The following ADPRHL1 variants were observed in gnomAD, a reference collection of about 807,000 sequenced individuals.
ADPRHL1 encodes the protein ADP-ribosylhydrolase like 1.
ADPRHL1 carries 43 observed loss-of-function variants against 44.1 expected under a neutral mutation model. The ratio of observed to expected loss-of-function variants is 0.98; its 90% CI spans 0.76 to 1.26. The LOEUF (loss-of-function observed/expected upper bound fraction) is 1.26, where lower values mean the gene tolerates loss of function less well. Among genes scored for constraint, ADPRHL1 ranks in the 50% most tolerant of loss-of-function variants. The probability of loss-of-function intolerance (pLI) is 0.00; values close to 1 mark genes in which losing one functional copy is unlikely to be tolerated. For missense variants in ADPRHL1, 2,022 were observed against 2,496.9 expected, an observed-to-expected ratio of 0.81 and a Z score of 4.05; for synonymous variants, 878 against 1,017.4, an observed-to-expected ratio of 0.86 and a Z score of 2.61.
At chr13:113,412,808 C>T (rs12871409) in intron 7 of ADPRHL1, among the ~76,000 whole-genome samples, 7,571 of 50,650 alleles carry the variant, frequency 0.15, 274 homozygotes, top group African/African-American at 0.25. Flanking sequence ...CCGCCAACAG[C>T]ACCCCGCAGA....
intron 7 of ADPRHL1, among the ~76,000 whole-genome samples, chr13:113,416,598 G>A (rs900665806): frequency 1.8e-4 from 28 of 152,144 alleles, no homozygotes; most frequent in African/African-American, 3.6e-4. Context: ...TCGGGTTAGT[G>A]AGCTTCTGTC....
rs1236642789 is a variant in ADPRHL1 at position 113,399,824 on chromosome 13, G to C, written c.*3554C>G. The C allele has an allele frequency of 6.6e-6, 1 of 151,974 alleles. No homozygotes were observed. The highest frequency in any genetic ancestry group is 1.5e-5 in the Non-Finnish European group (1 of 67,956). 9.4% of individuals were successfully genotyped at this position (151,974 alleles called of 1,614,324 possible). On this transcript the variant is annotated 3_prime_UTR_variant, in exon 8 of 8. Transcript: ENST00000612156. ...CCGAAAGACCGTAACTCCAACAGCA[G>C]AGATACCCTGAGAACAGAATAAGGA...
chr13:113,450,487 C>T (rs2044170952), intron 1 of ADPRHL1, among the ~76,000 whole-genome samples: 1 of 152,154 alleles, frequency 6.6e-6, no homozygotes, highest in South Asian at 2.1e-4. Context: ...GGGACCACTA[C>T]TACCAATGCA....
Position 113,437,052 on chromosome 13 carries a change from C to T in ADPRHL1, c.380-3185G>A, listed in dbSNP as rs150547743. ...ACTCGGCACCCAGGCGCAGGGTGAA[C>T]ATAGGTGTACCCCGGGACCCAGCAC... is the stretch of plus-strand genomic sequence containing the variant. On this transcript the variant is annotated intron_variant, in intron 2 of 7. Coordinates refer to ENST00000612156, the MANE Select transcript of ADPRHL1 (RefSeq NM_001394807.1). Among the ~76,000 whole-genome samples the T allele has an allele frequency of 7.0e-4, 103 of 147,468 alleles. 2 individuals are homozygous for T. In the East Asian group the frequency reaches 0.022, roughly 31 times the overall value.
At chr13:113,416,395 G>A (rs2043887661) in intron 7 of ADPRHL1, among the ~76,000 whole-genome samples, 1 of 152,072 alleles carries the variant, frequency 6.6e-6, no homozygotes. Flanking sequence ...ACCAACGAAG[G>A]GATGTCTAGT....
rs1364107166 is a variant in ADPRHL1, at chr13:113,405,017, A to T, written c.4265T>A (p.Leu1422Gln). 1 of 1,233,332 alleles carries T rather than the reference A, an allele frequency of 8.1e-7. No individual in the cohort carries two copies. The highest frequency in any genetic ancestry group is 1.0e-6 in the Non-Finnish European group (1 of 989,180). 76.4% of individuals were successfully genotyped at this position (1,233,332 alleles called of 1,614,324 possible). The stretch of plus-strand genomic sequence containing the variant: ...AATGGCCATCCCTTTGTCCCCGGCC[A>T]GATCCTGTGCCCACCATGTCTGAGG... ...KEPQTWWAQD[L>Q]AGDKGMAIGV... is the part of the protein sequence containing the mutation. Residue 1422 changes from leucine (L) to glutamine (Q), a missense_variant, in exon 8 of 8, where the codon CTG (leucine) becomes CAG (glutamine). Physicochemically the swap from Leu to Gln is moderately radical, Grantham distance 113. This residue lies in a region of ADPRHL1 where 1,221 missense variants were observed against 1,517.8 expected (regional missense o/e 0.80). Transcript: ENST00000612156.
At chr13:113,413,597 C>T (rs186746766) in intron 7 of ADPRHL1, among the ~76,000 whole-genome samples, 221 of 152,352 alleles carry the variant, frequency 1.5e-3, no homozygotes, top group South Asian at 3.7e-3. Context: ...CCCTGCTGCA[C>T]ACCTTGCTGC....
intron 7 of ADPRHL1, among the ~76,000 whole-genome samples, chr13:113,421,564 A>G (rs1043747963): frequency 6.6e-6 from 1 of 152,172 alleles, no homozygotes; most frequent in Non-Finnish European, 1.5e-5. Context: ...CCGGGGAGTG[A>G]GGCGCCTGGA....
chr13:113,413,149 C>T (rs996780151), intron 7 of ADPRHL1, among the ~76,000 whole-genome samples: 1 of 149,326 alleles, frequency 6.7e-6, no homozygotes, highest in Non-Finnish European at 1.5e-5. Context: ...GTTCACCCAC[C>T]GCCAACAGCG....
chr13:113,430,294 C>T (rs1335781812), intron 3 of ADPRHL1, among the ~76,000 whole-genome samples: 2 of 152,198 alleles, frequency 1.3e-5, no homozygotes, highest in Admixed American at 6.5e-5. Context: ...CCTGGAAATC[C>T]CGTGGTCACC....
rs976433947 is a variant in ADPRHL1 at position 113,405,624 on chromosome 13, G to C, written c.3658C>G (p.Arg1220Gly). Residue 1220 changes from arginine (R) to glycine (G), a missense_variant, in exon 8 of 8, where the codon CGG (arginine) becomes GGG (glycine). Arg to Gly is a moderately radical substitution (Grantham distance 125, BLOSUM62 -2). Coordinates refer to ENST00000612156, the MANE Select transcript of ADPRHL1 (RefSeq NM_001394807.1). ...RHPEDAAALA[R>G]HPEAARLYIS... The stretch of plus-strand genomic sequence containing the variant: ...TATAATCGGGCCGCCTCTGGGTGCC[G>C]GGCGAGGGCCGCAGCATCCTCCGGG... 4.1e-6 allele frequency: 5 copies of C among 1,232,580 alleles called. No individual in the cohort carries two copies. The African/African-American group carries it at 7.8e-5, about 19-fold the overall frequency. 76.4% of individuals were successfully genotyped at this position (1,232,580 alleles called of 1,614,324 possible). A position where few individuals can be genotyped will look rare whatever the true frequency, so the allele number is the denominator to read the frequency against.
intron 7 of ADPRHL1, chr13:113,422,277 AAAAT>A (rs200203471): frequency 0.017 from 2,564 of 151,506 alleles, 31 homozygotes; most frequent in African/African-American, 0.035. Context: ...GGTTAAGAGC[AAAAT>A]ATGCTGCTAT....
intron 4 of ADPRHL1, among the ~76,000 whole-genome samples, chr13:113,426,291 G>C (rs1357402171): frequency 6.6e-6 from 1 of 152,208 alleles, no homozygotes; most frequent in Non-Finnish European, 1.5e-5. Context: ...CCTGCCTTAC[G>C]GTGAGCACCC....
chr13:113,406,062 G>C lies in ADPRHL1; in HGVS notation c.3220C>G (p.Leu1074Val). 8.1e-7 allele frequency: 1 copy of C among 1,232,170 alleles called. No homozygotes were observed. The highest frequency in any genetic ancestry group is 4.2e-5 in the Admixed American group (1 of 23,722). 76.3% of individuals were successfully genotyped at this position (1,232,170 alleles called of 1,614,324 possible). A position where few individuals can be genotyped will look rare whatever the true frequency, so the allele number is the denominator to read the frequency against. The change falls in exon 8 of 8, where the codon CTA becomes GTA. Residue 1074 changes from leucine to valine, a missense_variant. Leu to Val is a conservative substitution (Grantham distance 32). Coordinates refer to ENST00000612156, the MANE Select transcript of ADPRHL1 (RefSeq NM_001394807.1). ...GALEECRRPL[L>V]IESSQPLKAA... The stretch of plus-strand genomic sequence containing the variant: ...TTCAGGGGCTGAGAAGACTCTATTA[G>C]CAGCGGCCTTCTGCATTCCTCCAGC...
In ADPRHL1 at chr13:113,421,197, C is replaced by T. The variant is rs530316296; in HGVS notation, c.1061+1629G>A. Among the ~76,000 whole-genome samples the T allele has an allele frequency of 5.4e-5, 8 of 147,688 alleles. 1 individual carries two copies. In the South Asian group the frequency reaches 1.8e-3, roughly 32 times the overall value. On this transcript the variant is annotated intron_variant, in intron 7 of 7. Coordinates refer to ENST00000612156, the MANE Select transcript of ADPRHL1 (RefSeq NM_001394807.1). ...GGACACGCCTACCCCTGGGACACCC[C>T]TACCCCCGGGACACGCCCACCCCCA...
chr13:113,437,088 A>G (rs1381810284), intron 2 of ADPRHL1, among the ~76,000 whole-genome samples: 2 of 144,492 alleles, frequency 1.4e-5, no homozygotes, highest in Admixed American at 1.4e-4. Context: ...CCACACGTAG[A>G]GTGAACATAG....
chr13:113,407,503 C>T lies in ADPRHL1; in HGVS notation c.1779G>A (p.Leu593=), dbSNP rs2043817633. The T allele has an allele frequency of 4.9e-6, 6 of 1,232,094 alleles. No homozygotes were observed. In the South Asian group the frequency reaches 2.1e-4, roughly 42 times the overall value. The allele number at this position is 1,232,094 out of a possible 1,614,324, so 76.3% of individuals were successfully genotyped here. ...KRMHRPEVRV[L]HTATMASTCV... Reference sequence around the variant, plus strand: ...AGGTGCTGGCCATGGTGGCCGTGTGCAGCACGCGCACCTCCGGCCGGTGCA... The same window carrying T: ...AGGTGCTGGCCATGGTGGCCGTGTGTAGCACGCGCACCTCCGGCCGGTGCA... Residue 593 remains leucine (L), a synonymous_variant, in exon 8 of 8, where the codon CTG becomes CTA. Transcript: ENST00000612156.
Position 113,408,120 on chromosome 13 carries a change from T to C in ADPRHL1, c.1162A>G (p.Ile388Val). 8.1e-7 allele frequency: 1 copy of C among 1,232,038 alleles called. No individual in the cohort carries two copies. The highest frequency in any genetic ancestry group is 3.2e-5 in the East Asian group (1 of 31,702). The allele number at this position is 1,232,038 out of a possible 1,614,324, so 76.3% of individuals were successfully genotyped here. A position where few individuals can be genotyped will look rare whatever the true frequency, so the allele number is the denominator to read the frequency against. ...ACGTAGAGCAGCAGGCTGCTGAGGA[T>C]GGAGTGGGCGGCCGGGTCACAGGCC... ...KLACDPAAHSILSSLLLYVTG... is the reference protein window; with the variant it reads ...KLACDPAAHSVLSSLLLYVTG... The change falls in exon 8 of 8, where the codon ATC (isoleucine) becomes GTC (valine). Residue 388 changes from isoleucine (I) to valine (V), a missense_variant. Coordinates refer to ENST00000612156, the MANE Select transcript of ADPRHL1 (RefSeq NM_001394807.1).
Position 113,405,509 on chromosome 13 carries a change from CT to C in ADPRHL1, c.3772del (p.Ser1258AlafsTer70). ...AGAAGCAGGAATTCCAGACTCTGTG[CT>C]GAAACCCAAAAGGTTTCCTTCCACA... ...VAVEGNLLGFSTESGIPASDH... is the reference protein window; with the variant it reads ...VAVEGNLLGFXTESGIPASDH... On this transcript the variant is annotated frameshift_variant, in exon 8 of 8. Coordinates refer to ENST00000612156, the MANE Select transcript of ADPRHL1 (RefSeq NM_001394807.1). LOFTEE classifies it low-confidence loss of function (END_TRUNC). 5 of 1,232,124 alleles carry C rather than the reference CT, an allele frequency of 4.1e-6. No homozygotes were observed. The highest frequency in any genetic ancestry group is 5.1e-6 in the Non-Finnish European group (5 of 988,264). The allele number at this position is 1,232,124 out of a possible 1,614,324, so 76.3% of individuals were successfully genotyped here.
Sources: allele counts gnomAD v4.1 joint callset (sites outside exome capture counted in the v4.1 genomes callset), GRCh38; gene constraint gnomAD v4.1.1; regional missense constraint gnomAD v4.1.1; transcripts MANE v1.5; gene names NCBI Gene and HGNC (gene_info 2026-07-23, HGNC 2026-07-21).